ROBO2: variants seen among roughly 807,000 people sequenced by gnomAD.
ROBO2 encodes the protein roundabout homolog 2.
In ROBO2, 53 loss-of-function variants were observed where a neutral mutation model predicts 160.8. The observed-to-expected ratio is 0.33, with a 90% CI of 0.26 to 0.41. The LOEUF (loss-of-function observed/expected upper bound fraction) is 0.41, where lower values mean the gene tolerates loss of function less well. ROBO2 is among the 10% of genes least tolerant of loss of function. The probability of loss-of-function intolerance (pLI) is 1.00; values close to 1 mark genes in which losing one functional copy is unlikely to be tolerated. For missense variants in ROBO2, 1,577 were observed against 1,722.4 expected (o/e 0.92, Z 1.49); for synonymous variants, 664 against 611.7 (o/e 1.09, Z -1.26).
intron 2 of ROBO2, among the ~76,000 whole-genome samples, chr3:76,668,583 T>G (rs567860955): frequency 6.6e-6 from 1 of 152,204 alleles, no homozygotes; most frequent in South Asian, 2.1e-4. Flanking sequence ...TTGAAGTAAC[T>G]CCTTTATTCA....
At chr3:76,934,495 C>A (rs1341573787) in intron 2 of ROBO2, among the ~76,000 whole-genome samples, 5 of 152,004 alleles carry the variant, frequency 3.3e-5, no homozygotes, top group Non-Finnish European at 7.4e-5. Context: ...ATAATCCGAG[C>A]ACTTTAGGAG....
chr3:77,425,787 T>C (rs2078142176), intron 2 of ROBO2, among the ~76,000 whole-genome samples: 2 of 151,588 alleles, frequency 1.3e-5, no homozygotes, highest in African/African-American at 4.9e-5. Context: ...CCTCAGCTTC[T>C]CGAGTAGCTG....
intron 2 of ROBO2, among the ~76,000 whole-genome samples, chr3:76,786,552 G>A (rs2062991371): frequency 6.6e-6 from 1 of 151,146 alleles, no homozygotes; most frequent in Admixed American, 6.6e-5. Context: ...CAGCATTAGG[G>A]GGATGGTGCT....
chr3:77,238,943 C>T (rs558500245), intron 2 of ROBO2, among the ~76,000 whole-genome samples: 3 of 152,088 alleles, frequency 2.0e-5, no homozygotes, highest in Non-Finnish European at 4.4e-5. Flanking sequence ...TAAGGATGCA[C>T]AATCATCCCT....
At chr3:76,283,201 T>A (rs1378633802) in intron 2 of ROBO2, among the ~76,000 whole-genome samples, 2 of 133,360 alleles carry the variant, frequency 1.5e-5, no homozygotes, top group African/African-American at 2.6e-5. Context: ...GCACCCTTGT[T>A]AAGAGGTAGT....
At chr3:76,410,853 G>A (rs1271410116) in intron 2 of ROBO2, among the ~76,000 whole-genome samples, 1 of 152,152 alleles carries the variant, frequency 6.6e-6, no homozygotes, top group Non-Finnish European at 1.5e-5. Context: ...TGTGTGGAAT[G>A]TGATGTTTCA....
chr3:76,637,574 T>A (rs147903892), intron 2 of ROBO2, among the ~76,000 whole-genome samples: 100 of 152,178 alleles, frequency 6.6e-4, no homozygotes, highest in African/African-American at 2.3e-3. Flanking sequence ...ACTATTTCAG[T>A]ATAGTTTTTC....
intron 2 of ROBO2, among the ~76,000 whole-genome samples, chr3:76,080,959 G>A (rs1319799502): frequency 6.6e-6 from 1 of 151,968 alleles, no homozygotes. Flanking sequence ...ATTCTCTAAT[G>A]TTAAAGAGAC....
Position 77,168,891 on chromosome 3 carries a change from T to TATAA in ROBO2, c.388+70552_388+70553insTAAA, listed in dbSNP as rs2079360929. Among the ~76,000 whole-genome samples the TATAA allele has an allele frequency of 2.6e-5, 4 of 152,312 alleles. No individual in the cohort carries two copies. The South Asian group carries it at 8.3e-4, about 32-fold the overall frequency. ...CAGAGTCTGCAAACTTGGCAGCTTT[T>TATAA]ACCCTCTCTCATCTGTGGGATTGTT... On this transcript the variant is annotated intron_variant, in intron 2 of 25. Coordinates refer to ENST00000461745, the Ensembl canonical transcript of ROBO2.
chr3:76,736,125 T>C (rs2093707226), intron 2 of ROBO2, among the ~76,000 whole-genome samples: 1 of 150,738 alleles, frequency 6.6e-6, no homozygotes, highest in Admixed American at 6.6e-5. Context: ...CTACTAAAAA[T>C]ACAAAAAATT....
chr3:76,008,232 CAAAAAAAAAAAA>C (rs5850225), intron 2 of ROBO2, among the ~76,000 whole-genome samples: 1 of 82,280 alleles, frequency 1.2e-5, no homozygotes, highest in Non-Finnish European at 2.4e-5. Context: ...AAGACTCTGT[CAAAAAAAAAAAA>C]AAAAAAAAAA....
chr3:76,882,457 T>C (rs2073449424), intron 2 of ROBO2, among the ~76,000 whole-genome samples: 2 of 151,996 alleles, frequency 1.3e-5, no homozygotes, highest in Admixed American at 1.3e-4. Flanking sequence ...ACTCGGTCAC[T>C]CCCCCATCCC....
At chr3:76,096,044 C>A (rs2069437830) in intron 2 of ROBO2, among the ~76,000 whole-genome samples, 4 of 152,036 alleles carry the variant, frequency 2.6e-5, no homozygotes, top group Admixed American at 6.6e-5. Flanking sequence ...AACAAAATAA[C>A]CTTTATCTCT....
intron 2 of ROBO2, among the ~76,000 whole-genome samples, chr3:76,329,425 C>T (rs2073310132): frequency 6.6e-6 from 1 of 152,154 alleles, no homozygotes; most frequent in Non-Finnish European, 1.5e-5. Flanking sequence ...CCCGTGTTGG[C>T]CGGGCTGGTC....
chr3:77,407,981 G>T (rs2076391524), intron 2 of ROBO2, among the ~76,000 whole-genome samples: 1 of 151,910 alleles, frequency 6.6e-6, no homozygotes. Context: ...CTTTGATTAT[G>T]CTGGAAAGGT....
At chr3:76,024,262 G>A (rs1460168594) in intron 2 of ROBO2, among the ~76,000 whole-genome samples, 1 of 151,500 alleles carries the variant, frequency 6.6e-6, no homozygotes, top group East Asian at 1.9e-4. Context: ...TAAAAGGAAA[G>A]ACGCCTGTTT....
chr3:76,354,593 T>C (rs2075050937), intron 2 of ROBO2, among the ~76,000 whole-genome samples: 1 of 151,856 alleles, frequency 6.6e-6, no homozygotes, highest in South Asian at 2.1e-4. Flanking sequence ...AAACCAGTAA[T>C]ATATTAAACC....
At chr3:77,119,017 T>G (rs6769992) in intron 2 of ROBO2, among the ~76,000 whole-genome samples, 85,412 of 151,870 alleles carry the variant, frequency 0.56, 24,343 homozygotes, top group African/African-American at 0.64. Context: ...GGATCATGGG[T>G]GAGGGTTCCT....
intron 2 of ROBO2, among the ~76,000 whole-genome samples, chr3:76,948,012 A>T (rs2078678739): frequency 6.6e-6 from 1 of 152,146 alleles, no homozygotes; most frequent in Non-Finnish European, 1.5e-5. Context: ...TTTTTGAAGT[A>T]TTCTCTTTAG....
Sources: allele counts gnomAD v4.1 joint callset (sites outside exome capture counted in the v4.1 genomes callset), GRCh38; gene constraint gnomAD v4.1.1; transcripts MANE v1.5; gene names NCBI Gene and HGNC (gene_info 2026-07-23, HGNC 2026-07-21).